SPON1: variants seen among roughly 807,000 people sequenced by gnomAD.
SPON1 encodes spondin 1.
A neutral mutation model predicts 111.7 loss-of-function variants in SPON1; 52 were observed. That is an observed-to-expected ratio of 0.47 (90% CI 0.37 to 0.59). The LOEUF is 0.59. Among genes scored for constraint, SPON1 ranks in the 20% least tolerant of loss-of-function variants. The probability of loss-of-function intolerance (pLI) is 0.00; values close to 1 mark genes in which losing one functional copy is unlikely to be tolerated. For missense variants in SPON1, 957 were observed against 1,068.5 expected (o/e 0.90, Z 1.46); for synonymous variants, 410 against 395.8 (o/e 1.04, Z -0.43).
chr11:14,056,416 C>G (rs1413653952), intron 3 of SPON1, among the ~76,000 whole-genome samples: 1 of 152,172 alleles, frequency 6.6e-6, no homozygotes, highest in African/African-American at 2.4e-5. Context: ...AGGACAAAAA[C>G]TGTACATTTT....
intron 6 of SPON1, among the ~76,000 whole-genome samples, chr11:14,138,982 C>T (rs890569171): frequency 1.3e-5 from 2 of 152,134 alleles, no homozygotes; most frequent in Non-Finnish European, 2.9e-5. Flanking sequence ...TGATTCTCCT[C>T]CTGTTGCCCA....
intron 8 of SPON1, 94 bp from the exon 9 acceptor site, chr11:14,255,553 A>G (rs782404868): frequency 5.8e-5 from 67 of 1,150,162 alleles, no homozygotes; most frequent in Non-Finnish European, 7.8e-5. Flanking sequence ...TTAAATTCCT[A>G]TCAAGGACTT....
chr11:14,241,165 A>G (rs1400917618), intron 6 of SPON1, among the ~76,000 whole-genome samples: 2 of 152,178 alleles, frequency 1.3e-5, no homozygotes, highest in Non-Finnish European at 2.9e-5. Flanking sequence ...GGAGAAGGAG[A>G]CAGAAGGCAG....
chr11:14,128,179 C>T (rs533344737), intron 5 of SPON1, among the ~76,000 whole-genome samples: 1 of 152,328 alleles, frequency 6.6e-6, no homozygotes, highest in Admixed American at 6.5e-5. Flanking sequence ...AAAGTCTCAA[C>T]TCATTCCAGC....
chr11:14,016,816 A>AT (rs1424748523), intron 2 of SPON1, among the ~76,000 whole-genome samples: 22 of 152,284 alleles, frequency 1.4e-4, no homozygotes, highest in African/African-American at 4.8e-4. Flanking sequence ...ATAATGTGCC[A>AT]TTTTTTTCAT....
At chr11:14,246,140 A>G (rs547495790) in intron 7 of SPON1, among the ~76,000 whole-genome samples, 250 of 152,222 alleles carry the variant, frequency 1.6e-3, no homozygotes, top group African/African-American at 5.8e-3. Context: ...TTTTTACACC[A>G]TTAAGGAGTC....
chr11:14,037,542 A>T (rs1848603704), intron 2 of SPON1, among the ~76,000 whole-genome samples: 1 of 151,994 alleles, frequency 6.6e-6, no homozygotes. Context: ...AAAAAAAAAG[A>T]ATCTAGACAT....
intron 3 of SPON1, among the ~76,000 whole-genome samples, chr11:14,069,460 C>T (rs1476952196): frequency 2.6e-5 from 4 of 152,072 alleles, no homozygotes; most frequent in East Asian, 3.9e-4. Flanking sequence ...CCTTCAGAGC[C>T]GCCGCCATCA....
chr11:14,084,034 C>T (rs1391879544), intron 5 of SPON1, among the ~76,000 whole-genome samples: 2 of 151,920 alleles, frequency 1.3e-5, no homozygotes, highest in Admixed American at 6.6e-5. Flanking sequence ...AGTGCTTCTG[C>T]GTAGTTCCCA....
intron 5 of SPON1, among the ~76,000 whole-genome samples, chr11:14,095,634 C>G (rs1190074740): frequency 2.0e-5 from 3 of 152,104 alleles, no homozygotes; most frequent in African/African-American, 7.2e-5. Context: ...AGGCCAATGT[C>G]CCTGGTCAAG....
chr11:14,161,428 C>G (rs1847963148), intron 6 of SPON1, among the ~76,000 whole-genome samples: 1 of 150,258 alleles, frequency 6.7e-6, no homozygotes, highest in African/African-American at 2.5e-5. Context: ...AAGTGATTCT[C>G]TTGCCTTAGC....
chr11:14,254,751 G>T (rs1554941008), intron 8 of SPON1, 22 bp downstream of exon 8: 5 of 1,609,802 alleles, frequency 3.1e-6, no homozygotes, highest in Non-Finnish European at 4.2e-6. Flanking sequence ...TGCCTGGAGT[G>T]GTGAGTGGCT....
intron 6 of SPON1, among the ~76,000 whole-genome samples, chr11:14,221,191 T>A (rs1554937543): frequency 6.6e-6 from 1 of 152,190 alleles, no homozygotes; most frequent in Non-Finnish European, 1.5e-5. Context: ...TGGTGATAGA[T>A]CATGGAGAGA....
chr11:14,073,764 TG>T (rs782584284), intron 3 of SPON1, among the ~76,000 whole-genome samples: 2 of 152,218 alleles, frequency 1.3e-5, no homozygotes, highest in African/African-American at 4.8e-5. Flanking sequence ...ACTTTGAGAA[TG>T]GGTAGTGTGG....
intron 5 of SPON1, among the ~76,000 whole-genome samples, chr11:14,122,566 A>G (rs994503409): frequency 6.6e-6 from 1 of 152,160 alleles, no homozygotes; most frequent in South Asian, 2.1e-4. Context: ...TTTATTCCAC[A>G]GTCATTTATA....
intron 5 of SPON1, among the ~76,000 whole-genome samples, chr11:14,081,734 C>G (rs1848963904): frequency 6.6e-6 from 1 of 151,944 alleles, no homozygotes; most frequent in African/African-American, 2.4e-5. Flanking sequence ...GGATTTGGCT[C>G]AGGTCCCAAA....
chr11:14,188,964 T>C (rs183808265), intron 6 of SPON1, among the ~76,000 whole-genome samples: 1 of 152,366 alleles, frequency 6.6e-6, no homozygotes, highest in East Asian at 1.9e-4. Context: ...AGAAAAGTGA[T>C]TGGGTTTAAC....
At chr11:13,992,519 C>T (rs1469004499) in intron 2 of SPON1, among the ~76,000 whole-genome samples, 3 of 152,172 alleles carry the variant, frequency 2.0e-5, no homozygotes, top group Admixed American at 6.5e-5. Context: ...ACCTGCCGAG[C>T]CAGACCACTT....
Position 14,203,493 on chromosome 11 carries a change from C to T in SPON1, c.826-39839C>T, listed in dbSNP as rs146750760. Reference sequence around the variant, plus strand: ...GTGCAACATAAATGTCCTTAAGAGACGATTATCGTACATCAAGATGTCCAT... The same window carrying T: ...GTGCAACATAAATGTCCTTAAGAGATGATTATCGTACATCAAGATGTCCAT... On this transcript the variant is annotated intron_variant, in intron 6 of 15. Transcript: ENST00000576479. 5.2e-3 allele frequency among the ~76,000 whole-genome samples: 789 copies of T among 152,264 alleles called. 1 individual carries two copies. The highest frequency in any genetic ancestry group is 8.7e-3 in the Non-Finnish European group (590 of 68,020).
Sources: gnomAD v4.1 joint callset for allele counts (sites outside exome capture counted in the v4.1 genomes callset) on GRCh38, gnomAD v4.1.1 for gene constraint, MANE v1.5 for transcripts, NCBI Gene and HGNC (gene_info 2026-07-23, HGNC 2026-07-21) for gene names.